The following AGBL4 variants were observed in gnomAD, a reference collection of about 807,000 sequenced individuals.
AGBL4 encodes cytosolic carboxypeptidase 6.
A neutral mutation model predicts 66.4 loss-of-function variants in AGBL4; 58 were observed. The ratio of observed to expected loss-of-function variants is 0.87; its 90% CI spans 0.71 to 1.09. AGBL4 has a LOEUF of 1.09. Ranked by LOEUF, AGBL4 falls within the 50% of genes least tolerant of loss-of-function variation. The probability of loss-of-function intolerance (pLI) is 0.00; values close to 1 mark genes in which losing one functional copy is unlikely to be tolerated. For missense variants in AGBL4, 579 were observed against 631.0 expected, an observed-to-expected ratio of 0.92 and a Z score of 0.88; for synonymous variants, 234 against 222.9, an observed-to-expected ratio of 1.05 and a Z score of -0.44.
intron 2 of AGBL4, chr1:49,844,830 C>T: frequency 6.6e-7 from 1 of 1,526,032 alleles, no homozygotes; most frequent in South Asian, 1.1e-5. Flanking sequence ...CTGTGGGCCA[C>T]TGGGAATGGA....
chr1:49,153,003 G>A lies in AGBL4; in HGVS notation c.377+92767C>T, dbSNP rs563543427. Among the ~76,000 whole-genome samples the A allele has an allele frequency of 1.1e-4, 17 of 152,210 alleles. No homozygotes were observed. The East Asian group carries it at 3.3e-3, about 29-fold the overall frequency. On this transcript the variant is annotated intron_variant, in intron 4 of 13. Coordinates refer to ENST00000371839, the MANE Select transcript of AGBL4 (RefSeq NM_032785.4). ...AGGTCCATTGACAGGAATGTTTTAAGAAGGAAACATGGAAGGGGAGAGGTG... is the reference window on the plus strand; with the variant it reads ...AGGTCCATTGACAGGAATGTTTTAAAAAGGAAACATGGAAGGGGAGAGGTG...
intron 3 of AGBL4, among the ~76,000 whole-genome samples, chr1:49,503,243 T>A (rs1394448771): frequency 1.3e-5 from 2 of 152,112 alleles, no homozygotes; most frequent in Non-Finnish European, 2.9e-5. Flanking sequence ...GTTTTTCCTG[T>A]GGGTCCACAG....
chr1:48,597,205 C>T (rs977882462), intron 9 of AGBL4, among the ~76,000 whole-genome samples: 1 of 152,200 alleles, frequency 6.6e-6, no homozygotes, highest in Non-Finnish European at 1.5e-5. Context: ...AAAAAATATC[C>T]TTCTGTTAAG....
At chr1:48,926,648 C>T (rs2148898108) in intron 5 of AGBL4, among the ~76,000 whole-genome samples, 1 of 152,080 alleles carries the variant, frequency 6.6e-6, no homozygotes, top group African/African-American at 2.4e-5. Flanking sequence ...AATTGCTTTG[C>T]TACCTAGAGA....
chr1:48,523,753 G>C, the AGBL4 span, among the ~76,000 whole-genome samples: 3 of 152,112 alleles, frequency 2.0e-5, no homozygotes, highest in Non-Finnish European at 4.4e-5. Context: ...TTTAATGACA[G>C]GGATACGTTC....
At chr1:48,952,630 C>G (rs17376708) in intron 5 of AGBL4, among the ~76,000 whole-genome samples, 2 of 152,050 alleles carry the variant, frequency 1.3e-5, no homozygotes, top group Non-Finnish European at 2.9e-5. Context: ...CTGGTGATCT[C>G]GCCTCTGGTT....
At chr1:49,374,952 A>C (rs547473401) in intron 3 of AGBL4, among the ~76,000 whole-genome samples, 25 of 152,246 alleles carry the variant, frequency 1.6e-4, no homozygotes, top group African/African-American at 5.8e-4. Flanking sequence ...TGGCAAAGGC[A>C]ATTCTATTTC....
At chr1:49,778,870 G>GT (rs1422125970) in intron 2 of AGBL4, among the ~76,000 whole-genome samples, 7 of 152,080 alleles carry the variant, frequency 4.6e-5, no homozygotes, top group Non-Finnish European at 7.4e-5. Flanking sequence ...TACTATTTGG[G>GT]TTATGGTTAT....
intron 6 of AGBL4, chr1:48,727,873 A>G (rs1282939951): frequency 1.3e-6 from 2 of 1,599,356 alleles, no homozygotes; most frequent in Non-Finnish European, 1.7e-6. Context: ...AAGCTTTATG[A>G]AAAATCCAAA....
intron 2 of AGBL4, among the ~76,000 whole-genome samples, chr1:49,782,184 T>G (rs1644352613): frequency 6.6e-6 from 1 of 151,874 alleles, no homozygotes; most frequent in Admixed American, 6.6e-5. Context: ...AAAAGTTAGT[T>G]CATTGAAAAG....
intron 9 of AGBL4, among the ~76,000 whole-genome samples, chr1:48,597,099 C>A (rs989323982): frequency 3.3e-5 from 5 of 152,180 alleles, no homozygotes; most frequent in Non-Finnish European, 5.9e-5. Flanking sequence ...TCTTGTTCAC[C>A]TTTTACTGCT....
At chr1:49,431,656 A>T (rs1527830) in intron 3 of AGBL4, among the ~76,000 whole-genome samples, 78,311 of 151,656 alleles carry the variant, frequency 0.52, 21,517 homozygotes, top group Non-Finnish European at 0.62. Flanking sequence ...GTATTTTTTT[A>T]AAAAAATATG....
chr1:49,923,353 C>G (rs1432681992), intron 1 of AGBL4, among the ~76,000 whole-genome samples: 2 of 152,058 alleles, frequency 1.3e-5, no homozygotes, highest in African/African-American at 4.8e-5. Context: ...AAACCTAAAA[C>G]TATAAAATCC....
intron 4 of AGBL4, among the ~76,000 whole-genome samples, chr1:49,183,007 AG>A (rs1412509663): frequency 2.0e-5 from 3 of 152,194 alleles, no homozygotes; most frequent in Non-Finnish European, 4.4e-5. Flanking sequence ...AATTTCACCA[AG>A]AAAGAAGAGT....
At chr1:49,842,330 G>A in intron 2 of AGBL4, 1 of 546,790 alleles carries the variant, frequency 1.8e-6, no homozygotes, top group South Asian at 1.7e-5. Flanking sequence ...CTCCCTGCTG[G>A]AGCAAGAGGC....
intron 6 of AGBL4, among the ~76,000 whole-genome samples, chr1:48,803,619 A>C (rs1489734805): frequency 1.3e-5 from 2 of 152,230 alleles, no homozygotes; most frequent in Non-Finnish European, 2.9e-5. Context: ...GAAGGTACAG[A>C]TCTGTAACTC....
intron 4 of AGBL4, among the ~76,000 whole-genome samples, chr1:49,072,019 G>C (rs887433899): frequency 7.2e-5 from 11 of 152,026 alleles, no homozygotes; most frequent in Admixed American, 1.3e-4. Flanking sequence ...TGTCTCTTTT[G>C]GTCTTTGTTG....
intron 2 of AGBL4, among the ~76,000 whole-genome samples, chr1:49,792,947 T>C (rs1054984768): frequency 6.6e-6 from 1 of 152,042 alleles, no homozygotes; most frequent in Non-Finnish European, 1.5e-5. Context: ...AATAATAATA[T>C]GCATTTCATA....
At chr1:48,562,450 C>T (rs1402686781) in intron 11 of AGBL4, among the ~76,000 whole-genome samples, 2 of 152,180 alleles carry the variant, frequency 1.3e-5, no homozygotes, top group East Asian at 3.9e-4. Context: ...AGACCCAGCT[C>T]AAAATCTGCT....
Sources: gnomAD v4.1 joint callset for allele counts (sites outside exome capture counted in the v4.1 genomes callset) on GRCh38, gnomAD v4.1.1 for gene constraint, MANE v1.5 for transcripts, NCBI Gene and HGNC (gene_info 2026-07-23, HGNC 2026-07-21) for gene names.